Variants in CCDC191 observed in about 807,000 individuals in gnomAD.
The protein encoded by CCDC191 is coiled-coil domain containing 191.
CCDC191 carries 99 observed loss-of-function variants against 114.0 expected under a neutral mutation model. That is an observed-to-expected ratio of 0.87 (90% CI 0.74 to 1.03). The LOEUF (loss-of-function observed/expected upper bound fraction) is 1.03, where lower values mean the gene tolerates loss of function less well. Among genes scored for constraint, CCDC191 ranks in the 50% least tolerant of loss-of-function variants. The pLI is 0.00. For synonymous variants in CCDC191, 351 were observed against 376.0 expected, an observed-to-expected ratio of 0.93 and a Z score of 0.77; for missense variants, 973 against 1,087.0, an observed-to-expected ratio of 0.90 and a Z score of 1.47.
At chr3:114,039,114 A>C (rs1030113679) in intron 4 of CCDC191, among the ~76,000 whole-genome samples, 1 of 152,234 alleles carries the variant, frequency 6.6e-6, no homozygotes, top group African/African-American at 2.4e-5. Context: ...AATTATATAC[A>C]ATACATAATA....
intron 13 of CCDC191, among the ~76,000 whole-genome samples, chr3:113,991,105 G>T (rs879564639): frequency 6.6e-6 from 1 of 151,584 alleles, no homozygotes; most frequent in South Asian, 2.1e-4. Flanking sequence ...GTGTGGTGGC[G>T]CATGCCTCTA....
intron 16 of CCDC191, among the ~76,000 whole-genome samples, chr3:113,977,938 T>C (rs375949849): frequency 2.8e-4 from 43 of 152,326 alleles, no homozygotes; most frequent in African/African-American, 9.4e-4. Flanking sequence ...CATTTTATTC[T>C]CTTGGCAGTT....
intron 13 of CCDC191, among the ~76,000 whole-genome samples, chr3:113,988,355 A>G (rs553166570): frequency 9.4e-4 from 143 of 151,768 alleles, no homozygotes; most frequent in Middle Eastern, 6.8e-3. Context: ...TTAGCCGGGC[A>G]TGGTGGCGGG....
chr3:113,971,796 C>T (rs1264879493), intron 16 of CCDC191, among the ~76,000 whole-genome samples: 1 of 151,886 alleles, frequency 6.6e-6, no homozygotes, highest in Admixed American at 6.6e-5. Context: ...CAGTTTGAAG[C>T]CATTAGGACC....
At chr3:114,005,386 A>C in intron 10 of CCDC191, 122 bp downstream of exon 10, 1 of 932,638 alleles carries the variant, frequency 1.1e-6, no homozygotes. Flanking sequence ...CTTTGCTTTG[A>C]GAGTGCAAAA....
chr3:114,052,999 C>G (rs1242037810), intron 2 of CCDC191, among the ~76,000 whole-genome samples: 1 of 152,184 alleles, frequency 6.6e-6, no homozygotes, highest in Non-Finnish European at 1.5e-5. Context: ...AAATGGTACT[C>G]AGACTCAAAA....
intron 8 of CCDC191, among the ~76,000 whole-genome samples, chr3:114,012,222 C>CGT (rs35908762): frequency 0.27 from 40,000 of 150,532 alleles, 5,692 homozygotes; most frequent in Middle Eastern, 0.39. Context: ...ACTCAATATA[C>CGT]GTGTGTGTGT....
chr3:114,047,390 A>G (rs1473186312), intron 2 of CCDC191, among the ~76,000 whole-genome samples: 1 of 152,224 alleles, frequency 6.6e-6, no homozygotes, highest in African/African-American at 2.4e-5. Flanking sequence ...GGCTGGGTGC[A>G]GTGGCTCATG....
At position 114,053,617 on chromosome 3, in the gene CCDC191, T is replaced by C; in HGVS notation, c.109A>G (p.Ser37Gly). Residue 37 changes from serine (S) to glycine (G), a missense_variant, in exon 2 of 17, where the codon AGT (serine) becomes GGT (glycine). By Grantham distance (56) the Ser-to-Gly change is moderately conservative (BLOSUM62 0). Transcript: ENST00000295878. ...CTTACCTTTATCCAGTGTTCCACACTGTCAGGACCAAAAGTAGGCTGTAGA... is the reference window on the plus strand; with the variant it reads ...CTTACCTTTATCCAGTGTTCCACACCGTCAGGACCAAAAGTAGGCTGTAGA... ...PSPKPTFGPD[S>G]VEHWIKRVEK... 6.3e-7 allele frequency: 1 copy of C among 1,589,936 alleles called. No homozygotes were observed. Among genetic ancestry groups the C allele is most frequent in the Non-Finnish European group, 8.6e-7 (1 of 1,160,832 alleles).
At chr3:114,027,224 G>A (rs1409957423) in intron 7 of CCDC191, among the ~76,000 whole-genome samples, 6 of 152,210 alleles carry the variant, frequency 3.9e-5, no homozygotes, top group African/African-American at 1.4e-4. Flanking sequence ...ATCTGAACTT[G>A]AGTTTTGATA....
At chr3:113,989,476 G>A (rs1357161741) in intron 13 of CCDC191, among the ~76,000 whole-genome samples, 1 of 151,938 alleles carries the variant, frequency 6.6e-6, no homozygotes, top group Non-Finnish European at 1.5e-5. Flanking sequence ...ACTTAAACTA[G>A]AAATTAAAAC....
At chr3:113,982,584 G>A (rs2075196806) in intron 13 of CCDC191, among the ~76,000 whole-genome samples, 1 of 152,008 alleles carries the variant, frequency 6.6e-6, no homozygotes, top group African/African-American at 2.4e-5. Context: ...AAATAAATGT[G>A]TAGCTTTGTC....
At chr3:113,979,139 G>T in intron 14 of CCDC191, 129 bp from the exon 15 acceptor site, 2 of 815,110 alleles carry the variant, frequency 2.5e-6, no homozygotes, top group East Asian at 2.7e-5. Flanking sequence ...GAAGGTACAT[G>T]CAGCCTGTGT....
intron 8 of CCDC191, among the ~76,000 whole-genome samples, chr3:114,012,597 T>C (rs564691142): frequency 9.9e-4 from 150 of 152,248 alleles, no homozygotes; most frequent in African/African-American, 3.2e-3. Flanking sequence ...AGTGTATAAA[T>C]AGTGAACAAA....
rs746689297 is a variant in CCDC191 at position 114,005,623 on chromosome 3, G to C, written c.1753C>G (p.Gln585Glu). The C allele has an allele frequency of 6.2e-7, 1 of 1,614,166 alleles. No homozygotes were observed. Among genetic ancestry groups the C allele is most frequent in the Non-Finnish European group, 8.5e-7 (1 of 1,180,006 alleles). ...KTILELKKNL[Q>E]LAEAQWAAEH... ...GCTGCCCACTGAGCCTCTGCCAGCT[G>C]CAGGTTTTTCTTCAGCTCGAGAATT... Residue 585 changes from glutamine (Q) to glutamate (E), a missense_variant, in exon 10 of 17, where the codon CAG (glutamine) becomes GAG (glutamate). Physicochemically the swap from Gln to Glu is conservative, Grantham distance 29. Coordinates refer to ENST00000295878, the MANE Select transcript of CCDC191 (RefSeq NM_020817.2).
At chr3:114,008,876 TA>T (rs1214324793) in intron 9 of CCDC191, among the ~76,000 whole-genome samples, 2 of 152,012 alleles carry the variant, frequency 1.3e-5, no homozygotes, top group Non-Finnish European at 2.9e-5. Context: ...TTCTGAGAAA[TA>T]GGTGATTTTG....
rs2075036683 is a variant in CCDC191 at position 113,978,906 on chromosome 3, T to C, written c.2412A>G (p.Gln804=). 7 of 1,614,080 alleles carry C rather than the reference T, an allele frequency of 4.3e-6. No homozygotes were observed. The highest frequency in any genetic ancestry group is 5.1e-6 in the Non-Finnish European group (6 of 1,179,966). The stretch of plus-strand genomic sequence containing the variant: ...TCTTAAGCAGTATTTGGGAATAAAA[T>C]TGATCAGCCTGGGCCATCTTTCTAG... ...SLARKMAQAD[Q]FYSQILLKRV... is the part of the protein sequence containing the mutation. The change falls in exon 15 of 17, where the codon CAA becomes CAG. Residue 804 remains glutamine, a synonymous_variant. Coordinates refer to ENST00000295878, the MANE Select transcript of CCDC191 (RefSeq NM_020817.2).
At chr3:113,991,326 AAC>A (rs1263887053) in intron 13 of CCDC191, among the ~76,000 whole-genome samples, 1 of 149,906 alleles carries the variant, frequency 6.7e-6, no homozygotes, top group Admixed American at 6.6e-5. Flanking sequence ...ATATAAAAAT[AAC>A]ACACCATGAC....
At position 113,978,332 on chromosome 3, in the gene CCDC191, C is replaced by CTGGG; in HGVS notation, c.2461-5_2461-2dup. 1.2e-6 allele frequency: 2 copies of CTGGG among 1,613,500 alleles called. No homozygotes were observed. The highest frequency in any genetic ancestry group is 1.7e-6 in the Non-Finnish European group (2 of 1,179,804). ...CTTCTTCCTGCAGATCAATCACGTA[C>CTGGG]TGGGGATGAAGACAGAAATAAAAGT... is the stretch of plus-strand genomic sequence containing the variant. On this transcript the variant is annotated splice_acceptor_variant, in intron 15 of 16. Coordinates refer to ENST00000295878, the MANE Select transcript of CCDC191 (RefSeq NM_020817.2). LOFTEE classifies it high-confidence loss of function.
Sources: gnomAD v4.1 joint callset for allele counts (sites outside exome capture counted in the v4.1 genomes callset) on GRCh38, gnomAD v4.1.1 for gene constraint, MANE v1.5 for transcripts, NCBI Gene and HGNC (gene_info 2026-07-23, HGNC 2026-07-21) for gene names.